The following INPP4A variants were observed in gnomAD, a reference collection of about 807,000 sequenced individuals.
The protein encoded by INPP4A is inositol polyphosphate-4-phosphatase type I A, also known as inositol polyphosphate-4-phosphatase, type I, 107kD.
INPP4A carries 33 observed loss-of-function variants against 119.8 expected under a neutral mutation model. That is an observed-to-expected ratio of 0.28 (90% CI 0.21 to 0.37). The LOEUF is 0.37. Ranked by LOEUF, INPP4A falls within the 10% of genes least tolerant of loss-of-function variation. INPP4A has a pLI of 1.00. For synonymous variants in INPP4A, 496 were observed against 500.7 expected (o/e 0.99, Z 0.12); for missense variants, 956 against 1,289.9 (o/e 0.74, Z 3.97).
intron 17 of INPP4A, among the ~76,000 whole-genome samples, chr2:98,560,374 C>G (rs1038265758): frequency 1.3e-5 from 2 of 152,208 alleles, no homozygotes; most frequent in African/African-American, 4.8e-5. Flanking sequence ...ACAAGCTATT[C>G]CTGTGCATTG....
chr2:98,481,422 C>T (rs548289390), intron 1 of INPP4A, among the ~76,000 whole-genome samples: 2 of 152,208 alleles, frequency 1.3e-5, no homozygotes, highest in Non-Finnish European at 2.9e-5. Flanking sequence ...AGAACCCTCG[C>T]TCCTCCAGTT....
chr2:98,490,182 T>G (rs1680411230), intron 1 of INPP4A, among the ~76,000 whole-genome samples: 2 of 151,840 alleles, frequency 1.3e-5, no homozygotes. Flanking sequence ...GGCCGCTTAC[T>G]TGGAGAATGG....
chr2:98,555,700 G>T lies in INPP4A; in HGVS notation c.1714G>T (p.Asp572Tyr). The part of the protein sequence containing the change: ...GSCTSKKGNP[D>Y]SHAYWIRPED... ...CTGCACCAGCAAGAAAGGTAACCCGGACAGCCACGCCTACTGGATCAGACC... is the reference window on the plus strand; with the variant it reads ...CTGCACCAGCAAGAAAGGTAACCCGTACAGCCACGCCTACTGGATCAGACC... The change falls in exon 16 of 25, where the codon GAC (aspartate) becomes TAC (tyrosine). Residue 572 changes from aspartate to tyrosine, a missense_variant. Transcript: ENST00000409851. 6.2e-7 allele frequency: 1 copy of T among 1,613,410 alleles called. No individual in the cohort carries two copies.
intron 1 of INPP4A, among the ~76,000 whole-genome samples, chr2:98,447,365 C>CTT (rs3835900): frequency 1.1e-3 from 173 of 150,942 alleles, no homozygotes; most frequent in African/African-American, 3.8e-3. Flanking sequence ...TTCGAAACGG[C>CTT]TTTTTTTTTC....
In INPP4A at chr2:98,536,143, C is replaced by G. The variant is rs1690232304; in HGVS notation, c.402C>G (p.Gly134=). The change falls in exon 7 of 25, where the codon GGC becomes GGG. Residue 134 remains glycine, a synonymous_variant. Coordinates refer to ENST00000409851, the MANE Select transcript of INPP4A (RefSeq NM_001134225.2). ...DRSQGTMYLL[G]SGTFIVKDLL... ...CTCTTCCTCAGATGTATTTACTGGG[C>G]TCTGGAACGTTCATTGTCAAAGATC... is the stretch of plus-strand genomic sequence containing the variant. 3.7e-6 allele frequency: 6 copies of G among 1,609,668 alleles called. No individual in the cohort carries two copies. The highest frequency in any genetic ancestry group is 1.3e-5 in the African/African-American group (1 of 74,852).
At chr2:98,531,020 A>G (rs1453686668) in intron 4 of INPP4A, among the ~76,000 whole-genome samples, 3 of 152,262 alleles carry the variant, frequency 2.0e-5, no homozygotes, top group Non-Finnish European at 2.9e-5. Context: ...GGCAGAGAGC[A>G]GAGCAGAGGA....
chr2:98,457,948 A>G (rs529333550), intron 1 of INPP4A, among the ~76,000 whole-genome samples: 1 of 149,662 alleles, frequency 6.7e-6, no homozygotes, highest in Non-Finnish European at 1.5e-5. Context: ...CTACAGGCAT[A>G]TGCCACTGTG....
chr2:98,478,530 C>T (rs1196087796), intron 1 of INPP4A, among the ~76,000 whole-genome samples: 1 of 152,198 alleles, frequency 6.6e-6, no homozygotes, highest in African/African-American at 2.4e-5. Flanking sequence ...TGGCAGAGCA[C>T]ACCCCTGATC....
intron 17 of INPP4A, among the ~76,000 whole-genome samples, chr2:98,562,949 GGGTAAGAAT>G (rs1695759165): frequency 6.6e-6 from 1 of 152,146 alleles, no homozygotes; most frequent in African/African-American, 2.4e-5. Context: ...AGGTGTGCAG[GGGTAAGAAT>G]TGAACACAGT....
chr2:98,582,068 C>T (rs368919109), intron 24 of INPP4A, among the ~76,000 whole-genome samples: 2 of 152,212 alleles, frequency 1.3e-5, no homozygotes, highest in African/African-American at 4.8e-5. Flanking sequence ...TGATGTACAA[C>T]TATTTATCAC....
At chr2:98,565,875 C>T in intron 20 of INPP4A, 109 bp downstream of exon 20, 1 of 1,527,006 alleles carries the variant, frequency 6.5e-7, no homozygotes, top group East Asian at 2.3e-5. Flanking sequence ...TTGTTAAATG[C>T]TCTGATTACA....
chr2:98,493,461 C>T (rs1287943673), intron 1 of INPP4A, among the ~76,000 whole-genome samples: 3 of 138,162 alleles, frequency 2.2e-5, no homozygotes, highest in African/African-American at 8.1e-5. Flanking sequence ...GGGTTTCCCT[C>T]TGTCATCCAT....
rs903291632 is a variant in INPP4A, at chr2:98,576,398, C to T, written c.2632-591C>T. 3.9e-5 allele frequency among the ~76,000 whole-genome samples: 6 copies of T among 152,142 alleles called. 1 individual carries two copies. Among genetic ancestry groups the T allele is most frequent in the Non-Finnish European group, 5.9e-5 (4 of 68,026 alleles). On this transcript the variant is annotated intron_variant, in intron 23 of 24. Coordinates refer to ENST00000409851, the MANE Select transcript of INPP4A (RefSeq NM_001134225.2). Reference sequence around the variant, plus strand: ...AGTGTGCTGGCAGTAACTCTGCTACCGGGAAAGTATGGCGGGAGGAGGCCT... The same window carrying T: ...AGTGTGCTGGCAGTAACTCTGCTACTGGGAAAGTATGGCGGGAGGAGGCCT...
At chr2:98,540,903 C>T (rs947480558) in intron 10 of INPP4A, among the ~76,000 whole-genome samples, 6 of 152,154 alleles carry the variant, frequency 3.9e-5, no homozygotes, top group Admixed American at 2.6e-4. Flanking sequence ...TCCTCCTTGT[C>T]CTCAAATGGT....
chr2:98,517,937 G>T (rs1162101071), intron 1 of INPP4A, among the ~76,000 whole-genome samples: 1 of 152,206 alleles, frequency 6.6e-6, no homozygotes, highest in Non-Finnish European at 1.5e-5. Context: ...TATTCTCATT[G>T]AAGAACAAAC....
At chr2:98,467,709 C>T (rs1397498329) in intron 1 of INPP4A, among the ~76,000 whole-genome samples, 2 of 152,178 alleles carry the variant, frequency 1.3e-5, no homozygotes, top group East Asian at 1.9e-4. Context: ...TCTGTATATG[C>T]ACACACAACA....
At chr2:98,561,348 A>G (rs1695435539) in intron 17 of INPP4A, among the ~76,000 whole-genome samples, 1 of 152,162 alleles carries the variant, frequency 6.6e-6, no homozygotes, top group Admixed American at 6.5e-5. Context: ...TAAACCCTTC[A>G]CCGATTCCAG....
chr2:98,517,332 C>T (rs769466198), intron 1 of INPP4A, among the ~76,000 whole-genome samples: 2 of 152,202 alleles, frequency 1.3e-5, no homozygotes, highest in Non-Finnish European at 2.9e-5. Context: ...TCTCTACAGG[C>T]TTTTGGTGAG....
At chr2:98,585,929 A>T (rs1218078760) in intron 24 of INPP4A, among the ~76,000 whole-genome samples, 1 of 152,254 alleles carries the variant, frequency 6.6e-6, no homozygotes, top group African/African-American at 2.4e-5. Context: ...GTACATTTCT[A>T]TATAAATGGA....
Sources: gnomAD v4.1 joint callset for allele counts (sites outside exome capture counted in the v4.1 genomes callset) on GRCh38, gnomAD v4.1.1 for gene constraint, MANE v1.5 for transcripts, NCBI Gene and HGNC (gene_info 2026-07-23, HGNC 2026-07-21) for gene names.